Variants in CLIC5 observed in about 807,000 individuals in gnomAD.
The protein encoded by CLIC5 is chloride intracellular channel protein 5.
In CLIC5, 20 loss-of-function variants were observed where a neutral mutation model predicts 24.7. The observed-to-expected ratio is 0.81, with a 90% CI of 0.57 to 1.18. The LOEUF is 1.18. CLIC5 is among the 50% of genes most tolerant of loss of function. The pLI, the probability that CLIC5 is intolerant of heterozygous loss-of-function variation, is 0.00. For synonymous variants in CLIC5, 159 were observed against 135.6 expected (o/e 1.17, Z -1.20); for missense variants, 341 against 326.1 (o/e 1.05, Z -0.35).
intron 4 of CLIC5, among the ~76,000 whole-genome samples, chr6:45,916,102 C>A (rs1763021661): frequency 6.6e-6 from 1 of 152,194 alleles, no homozygotes; most frequent in Non-Finnish European, 1.5e-5. Context: ...CATAGAAGGC[C>A]TTTTGTTTGA....
At chr6:45,920,671 C>T (rs1043853855) in intron 4 of CLIC5, 7 of 979,974 alleles carry the variant, frequency 7.1e-6, no homozygotes, top group Admixed American at 6.2e-5. Flanking sequence ...GAAGAAGAAG[C>T]CTTTCTTTCC....
chr6:46,094,773 G>A, the CLIC5 span, among the ~76,000 whole-genome samples: 8 of 152,260 alleles, frequency 5.3e-5, no homozygotes, highest in East Asian at 7.8e-4. Context: ...CCATTCTGGG[G>A]TTTGGAGGAC....
At chr6:45,924,771 A>ATG (rs1763410943) in intron 4 of CLIC5, among the ~76,000 whole-genome samples, 1 of 151,938 alleles carries the variant, frequency 6.6e-6, no homozygotes, top group African/African-American at 2.4e-5. Flanking sequence ...GCCCATATAT[A>ATG]TATATATTTT....
chr6:46,034,158 G>T (rs899994020), intron 1 of CLIC5, among the ~76,000 whole-genome samples: 3 of 152,162 alleles, frequency 2.0e-5, no homozygotes, highest in African/African-American at 4.8e-5. Flanking sequence ...TGGAATCAAT[G>T]GTTCTCTTAC....
intron 5 of CLIC5, among the ~76,000 whole-genome samples, chr6:45,904,874 C>T (rs1002001443): frequency 6.6e-6 from 1 of 151,612 alleles, no homozygotes; most frequent in African/African-American, 2.4e-5. Flanking sequence ...ACACTTGCCC[C>T]CTCCATCCCT....
At chr6:46,046,495 C>T (rs1210896049) in intron 1 of CLIC5, among the ~76,000 whole-genome samples, 5 of 152,214 alleles carry the variant, frequency 3.3e-5, no homozygotes, top group African/African-American at 9.7e-5. Context: ...CCACCTGGTA[C>T]TGCCTTTTCT....
upstream of CLIC5, among the ~76,000 whole-genome samples, chr6:46,082,671 C>T (rs1222658918): frequency 6.6e-6 from 1 of 152,072 alleles, no homozygotes; most frequent in Non-Finnish European, 1.5e-5. Flanking sequence ...GTCAATTCCC[C>T]CAACTCCTAT....
At chr6:45,930,689 G>C (rs1028920586) in intron 4 of CLIC5, among the ~76,000 whole-genome samples, 7 of 152,230 alleles carry the variant, frequency 4.6e-5, no homozygotes, top group African/African-American at 1.7e-4. Context: ...ACTAGGTATG[G>C]AGGCGGGGGG....
chr6:46,086,108 T>G, the CLIC5 span, among the ~76,000 whole-genome samples: 1 of 152,346 alleles, frequency 6.6e-6, no homozygotes, highest in African/African-American at 2.4e-5. Context: ...AAGCGCAGTA[T>G]TAGGGTGGGA....
intron 1 of CLIC5, among the ~76,000 whole-genome samples, chr6:46,012,690 C>T (rs899140174): frequency 6.6e-6 from 1 of 152,162 alleles, no homozygotes; most frequent in African/African-American, 2.4e-5. Flanking sequence ...ATGCTATCTG[C>T]CATCTACCTT....
At chr6:45,961,780 C>T (rs1764850732) in intron 1 of CLIC5, among the ~76,000 whole-genome samples, 1 of 152,126 alleles carries the variant, frequency 6.6e-6, no homozygotes, top group Non-Finnish European at 1.5e-5. Context: ...AAGAAATCAA[C>T]ATTTCCTTTC....
chr6:45,999,608 C>A (rs1057371300), intron 1 of CLIC5, among the ~76,000 whole-genome samples: 1 of 152,008 alleles, frequency 6.6e-6, no homozygotes, highest in African/African-American at 2.4e-5. Flanking sequence ...GAGAATAAGG[C>A]CAACCCCTCC....
At chr6:46,105,244 T>C in the CLIC5 span, among the ~76,000 whole-genome samples, 4 of 152,166 alleles carry the variant, frequency 2.6e-5, no homozygotes, top group African/African-American at 9.7e-5. Flanking sequence ...TTTTGTTTTT[T>C]GTTTTTTTTA....
intron 1 of CLIC5, among the ~76,000 whole-genome samples, chr6:45,961,007 C>T (rs1764826462): frequency 6.6e-6 from 1 of 152,192 alleles, no homozygotes; most frequent in Non-Finnish European, 1.5e-5. Flanking sequence ...TGAATTTCTC[C>T]TGTTTAAGCT....
At chr6:46,120,329 A>G in the CLIC5 span, among the ~76,000 whole-genome samples, 2 of 152,228 alleles carry the variant, frequency 1.3e-5, no homozygotes, top group Admixed American at 6.5e-5. Context: ...CAGGGTCTGG[A>G]GTGGACCTCC....
chr6:46,112,196 G>A, the CLIC5 span, among the ~76,000 whole-genome samples: 7 of 152,202 alleles, frequency 4.6e-5, no homozygotes, highest in African/African-American at 1.4e-4. Flanking sequence ...TTTGGTGGGC[G>A]GCATTTGTAT....
At chr6:46,120,625 A>C in the CLIC5 span, among the ~76,000 whole-genome samples, 4 of 152,204 alleles carry the variant, frequency 2.6e-5, no homozygotes, top group African/African-American at 9.6e-5. Flanking sequence ...CAGATGATCA[A>C]ACTTCTCCGA....
intron 1 of CLIC5, among the ~76,000 whole-genome samples, chr6:46,042,583 G>C (rs2127461178): frequency 6.6e-6 from 1 of 152,278 alleles, no homozygotes; most frequent in Non-Finnish European, 1.5e-5. Context: ...AAAAACCCTA[G>C]AGGGTGCTGT....
In CLIC5 at chr6:45,930,824, A is replaced by C. The variant is rs113445052; in HGVS notation, c.406+10723T>G. Among the ~76,000 whole-genome samples, 1,058 of 152,318 alleles carry C rather than the reference A, an allele frequency of 6.9e-3. 11 individuals carry two copies. Among genetic ancestry groups the C allele is most frequent in the Non-Finnish European group, 0.011 (746 of 68,018 alleles). On this transcript the variant is annotated intron_variant, in intron 4 of 5. Coordinates refer to ENST00000339561, the MANE Select transcript of CLIC5 (RefSeq NM_016929.5). Reference sequence around the variant, plus strand: ...TGCATTAATTCATCTAATTAACATGACAAATCTTCAAGAGAGGGTGCTATT... The same window carrying C: ...TGCATTAATTCATCTAATTAACATGCCAAATCTTCAAGAGAGGGTGCTATT...
Sources: gnomAD v4.1 joint callset for allele counts (sites outside exome capture counted in the v4.1 genomes callset) on GRCh38, gnomAD v4.1.1 for gene constraint, MANE v1.5 for transcripts, NCBI Gene and HGNC (gene_info 2026-07-23, HGNC 2026-07-21) for gene names.